Variants in STXBP5 observed in about 807,000 individuals in gnomAD.
STXBP5 encodes the protein syntaxin binding protein 5, also known as syntaxin-binding protein 5.
STXBP5 carries 50 observed loss-of-function variants against 152.4 expected under a neutral mutation model. The observed-to-expected ratio is 0.33, with a 90% confidence interval of 0.26 to 0.42. The LOEUF (loss-of-function observed/expected upper bound fraction) is 0.42. Among genes scored for constraint, STXBP5 ranks in the 10% least tolerant of loss-of-function variants. The pLI, the probability that STXBP5 is intolerant of heterozygous loss-of-function variation, is 1.00. For synonymous variants in STXBP5, 492 were observed against 494.7 expected, an observed-to-expected ratio of 0.99 and a Z score of 0.07; for missense variants, 1,167 against 1,388.6, an observed-to-expected ratio of 0.84 and a Z score of 2.54.
chr6:147,220,863 A>C lies in STXBP5; in HGVS notation c.249-14387A>C, dbSNP rs1035931112. On this transcript the variant is annotated intron_variant, in intron 2 of 27. Coordinates refer to ENST00000321680, the MANE Select transcript of STXBP5 (RefSeq NM_001127715.4). ...GGTGCATTTAGGCCATTGAAGTTTAAAGTGAATGTTGATATACTTCAAATA... is the reference window on the plus strand; with the variant it reads ...GGTGCATTTAGGCCATTGAAGTTTACAGTGAATGTTGATATACTTCAAATA... 2.6e-5 allele frequency among the ~76,000 whole-genome samples: 4 copies of C among 152,070 alleles called. No homozygotes were observed. The South Asian group carries it at 8.3e-4, about 31-fold the overall frequency.
chr6:147,332,286 C>G (rs1164421252), intron 18 of STXBP5, among the ~76,000 whole-genome samples: 3 of 152,058 alleles, frequency 2.0e-5, no homozygotes, highest in Non-Finnish European at 4.4e-5. Flanking sequence ...AACTCATGTC[C>G]AACTGAAAGA....
At chr6:147,367,858 A>G (rs1012901781) in intron 25 of STXBP5, among the ~76,000 whole-genome samples, 3 of 152,134 alleles carry the variant, frequency 2.0e-5, no homozygotes, top group African/African-American at 7.2e-5. Flanking sequence ...ATAGATATGA[A>G]ATGGATAAAA....
intron 6 of STXBP5, among the ~76,000 whole-genome samples, chr6:147,263,282 A>G (rs1199435843): frequency 6.6e-6 from 1 of 150,982 alleles, no homozygotes; most frequent in Non-Finnish European, 1.5e-5. Context: ...TTCCATCTCT[A>G]ATTGGTCATC....
chr6:147,335,587 T>C (rs1283318181), intron 19 of STXBP5, among the ~76,000 whole-genome samples: 1 of 152,194 alleles, frequency 6.6e-6, no homozygotes, highest in Non-Finnish European at 1.5e-5. Flanking sequence ...CATCTAGCCC[T>C]TTGAAATAAA....
chr6:147,320,581 G>GTGTGTGTGTGTT (rs1782884637), intron 16 of STXBP5, among the ~76,000 whole-genome samples: 1 of 145,228 alleles, frequency 6.9e-6, no homozygotes, highest in African/African-American at 2.8e-5. Flanking sequence ...GTGTGTGTGT[G>GTGTGTGTGTGTT]TGTGTGTGTG....
At chr6:147,299,085 T>C (rs2128359857) in intron 9 of STXBP5, among the ~76,000 whole-genome samples, 1 of 151,690 alleles carries the variant, frequency 6.6e-6, no homozygotes, top group East Asian at 1.9e-4. Flanking sequence ...TGAAACACAG[T>C]TTGTTTTCTG....
chr6:147,220,686 T>C (rs576937294), intron 2 of STXBP5, among the ~76,000 whole-genome samples: 10 of 152,278 alleles, frequency 6.6e-5, no homozygotes, highest in Admixed American at 5.9e-4. Context: ...ATAGCTACTT[T>C]GCTTTCTTTT....
intron 16 of STXBP5, among the ~76,000 whole-genome samples, chr6:147,324,278 T>TG (rs987323593): frequency 1.1e-4 from 14 of 131,294 alleles, no homozygotes; most frequent in East Asian, 2.1e-4. Flanking sequence ...TTTTTTTTTT[T>TG]TTTTTTTTTT....
chr6:147,338,798 A>T (rs552659464), intron 19 of STXBP5, among the ~76,000 whole-genome samples: 1 of 151,768 alleles, frequency 6.6e-6, no homozygotes, highest in East Asian at 1.9e-4. Flanking sequence ...TTATAGTACA[A>T]GATCTTGGTT....
At chr6:147,248,280 CAAAA>C (rs753458821) in intron 4 of STXBP5, among the ~76,000 whole-genome samples, 2 of 52,582 alleles carry the variant, frequency 3.8e-5, no homozygotes, top group Non-Finnish European at 4.2e-5. Flanking sequence ...GACTCCATCT[CAAAA>C]AAAAAAAAAA....
intron 7 of STXBP5, among the ~76,000 whole-genome samples, chr6:147,274,007 A>G (rs997031026): frequency 6.6e-6 from 1 of 152,082 alleles, no homozygotes; most frequent in Non-Finnish European, 1.5e-5. Context: ...AGGAATCATA[A>G]CAGCTTTAAA....
chr6:147,213,477 T>TGTGTGTGTGTGTGTGCGCGCGCGC, intron 2 of STXBP5, among the ~76,000 whole-genome samples: 2 of 131,274 alleles, frequency 1.5e-5, no homozygotes, highest in African/African-American at 3.2e-5. Flanking sequence ...TGTGTGTGTG[T>TGTGTGTGTGTGTGTGCGCGCGCGC]GCGCGCGCAT....
Position 147,359,313 on chromosome 6 carries a change from G to A in STXBP5, c.2535G>A (p.Val845=). 3 of 1,613,430 alleles carry A rather than the reference G, an allele frequency of 1.9e-6. No individual in the cohort carries two copies. The highest frequency in any genetic ancestry group is 2.5e-6 in the Non-Finnish European group (3 of 1,179,474). The change falls in exon 23 of 28, where the codon GTG becomes GTA. Residue 845 remains valine (V), a synonymous_variant. Transcript: ENST00000321680. The part of the protein sequence containing the change: ...GEQRLLQPVI[V]SPSGTILRLK... Reference sequence around the variant, plus strand: ...AAAGACTTCTTCAGCCAGTAATTGTGTCTCCAAGTGGTATGTATTGCTGCT... The same window carrying A: ...AAAGACTTCTTCAGCCAGTAATTGTATCTCCAAGTGGTATGTATTGCTGCT...
intron 2 of STXBP5, among the ~76,000 whole-genome samples, chr6:147,228,926 C>G (rs1014373388): frequency 6.6e-6 from 1 of 152,040 alleles, no homozygotes; most frequent in African/African-American, 2.4e-5. Flanking sequence ...ACATGTATTT[C>G]TAAGACCATA....
At chr6:147,290,553 A>C (rs1383911506) in intron 8 of STXBP5, among the ~76,000 whole-genome samples, 2 of 152,232 alleles carry the variant, frequency 1.3e-5, no homozygotes, top group African/African-American at 4.8e-5. Flanking sequence ...ATTTTAAAAA[A>C]TAATTAGAAT....
At chr6:147,353,407 C>G in intron 22 of STXBP5, 34 bp downstream of exon 22, 1 of 1,411,308 alleles carries the variant, frequency 7.1e-7, no homozygotes, top group Non-Finnish European at 9.6e-7. Flanking sequence ...TAATTTAACT[C>G]CCTATAATGG....
intron 9 of STXBP5, among the ~76,000 whole-genome samples, chr6:147,299,463 C>A (rs1482575001): frequency 6.6e-6 from 1 of 151,810 alleles, no homozygotes; most frequent in East Asian, 1.9e-4. Flanking sequence ...CAAACTGTTT[C>A]AAAAAATTGA....
chr6:147,237,394 T>C (rs1438120450), intron 3 of STXBP5, among the ~76,000 whole-genome samples: 1 of 141,796 alleles, frequency 7.1e-6, no homozygotes, highest in African/African-American at 2.5e-5. Context: ...CTATATACTG[T>C]ATAGGTGAAG....
At chr6:147,345,556 T>A (rs1360368295) in intron 21 of STXBP5, among the ~76,000 whole-genome samples, 4 of 152,192 alleles carry the variant, frequency 2.6e-5, no homozygotes, top group African/African-American at 9.7e-5. Flanking sequence ...AATATTGTCA[T>A]TTTATTCTAA....
Sources: gnomAD v4.1 joint callset for allele counts (sites outside exome capture counted in the v4.1 genomes callset) on GRCh38, gnomAD v4.1.1 for gene constraint, MANE v1.5 for transcripts, NCBI Gene and HGNC (gene_info 2026-07-23, HGNC 2026-07-21) for gene names.